The following NYAP2 variants were observed in gnomAD, a reference collection of about 807,000 sequenced individuals.
The protein encoded by NYAP2 is neuronal tyrosine-phosphorylated phosphoinositide-3-kinase adapter 2.
NYAP2 carries 23 observed loss-of-function variants against 50.4 expected under a neutral mutation model. That is an observed-to-expected ratio of 0.46 (90% CI 0.33 to 0.65). NYAP2 has a LOEUF of 0.65. Ranked by LOEUF, NYAP2 falls within the 30% of genes least tolerant of loss-of-function variation. The pLI is 0.02. For synonymous variants in NYAP2, 394 were observed against 365.2 expected (o/e 1.08, Z -0.90); for missense variants, 885 against 861.0 (o/e 1.03, Z -0.35).
At chr2:225,670,187 A>G in the NYAP2 span, among the ~76,000 whole-genome samples, 5 of 152,162 alleles carry the variant, frequency 3.3e-5, no homozygotes, top group African/African-American at 4.8e-5. Flanking sequence ...GTTGGTGTAC[A>G]TAGATGCCAA....
At chr2:225,615,351 T>C (rs1248137548) in intron 5 of NYAP2, among the ~76,000 whole-genome samples, 3 of 152,150 alleles carry the variant, frequency 2.0e-5, no homozygotes, top group African/African-American at 7.2e-5. Context: ...AATGTGCCAA[T>C]ACCTGAGATC....
At chr2:225,512,890 TTCC>T (rs1329363019) in intron 3 of NYAP2, among the ~76,000 whole-genome samples, 6 of 133,626 alleles carry the variant, frequency 4.5e-5, no homozygotes, top group Admixed American at 1.6e-4. Context: ...CCTTCCTTCC[TTCC>T]TTCCTTTCCT....
chr2:225,443,337 A>G (rs1431984927), intron 3 of NYAP2, among the ~76,000 whole-genome samples: 1 of 152,208 alleles, frequency 6.6e-6, no homozygotes, highest in Admixed American at 6.5e-5. Context: ...GAATGACAAC[A>G]CCTACTAAGA....
chr2:225,617,326 G>A (rs1693006296), intron 5 of NYAP2, among the ~76,000 whole-genome samples: 1 of 152,152 alleles, frequency 6.6e-6, no homozygotes, highest in South Asian at 2.1e-4. Flanking sequence ...CTACTAGGGA[G>A]GCTGAGGCAG....
At chr2:225,663,502 C>T in the NYAP2 span, among the ~76,000 whole-genome samples, 2 of 152,166 alleles carry the variant, frequency 1.3e-5, no homozygotes, top group Admixed American at 1.3e-4. Context: ...TTACCTGCCT[C>T]CATTCACCTG....
At chr2:225,697,858 G>T in the NYAP2 span, among the ~76,000 whole-genome samples, 3 of 151,804 alleles carry the variant, frequency 2.0e-5, no homozygotes, top group Non-Finnish European at 2.9e-5. Context: ...TGTTTTGTAA[G>T]AATTATTTCT....
chr2:225,583,756 T>C (rs1192052483), intron 5 of NYAP2, among the ~76,000 whole-genome samples: 1 of 152,140 alleles, frequency 6.6e-6, no homozygotes. Flanking sequence ...AAACACTTCT[T>C]GAGGCCAGGC....
At chr2:225,628,493 T>C (rs1239713559) in intron 6 of NYAP2, among the ~76,000 whole-genome samples, 1 of 151,976 alleles carries the variant, frequency 6.6e-6, no homozygotes, top group Non-Finnish European at 1.5e-5. Context: ...AGCTAAGTTT[T>C]TGTATTTTTA....
intron 4 of NYAP2, among the ~76,000 whole-genome samples, chr2:225,533,972 C>T (rs1691303571): frequency 6.6e-6 from 1 of 152,100 alleles, no homozygotes; most frequent in African/African-American, 2.4e-5. Context: ...CCAAAATTTA[C>T]ATTTCAGTAT....
chr2:225,652,750 A>C (rs1478135467), exon 7 of NYAP2: 2 of 152,214 alleles, frequency 1.3e-5, no homozygotes, highest in Admixed American at 1.3e-4. Flanking sequence ...AAAATTACAT[A>C]TTCATCTATT....
chr2:225,431,299 T>C (rs1695362226), intron 3 of NYAP2, among the ~76,000 whole-genome samples: 1 of 152,228 alleles, frequency 6.6e-6, no homozygotes, highest in African/African-American at 2.4e-5. Flanking sequence ...TCATACCTCA[T>C]CAACAAACGG....
At chr2:225,541,640 A>T (rs1425702881) in intron 4 of NYAP2, among the ~76,000 whole-genome samples, 1 of 152,036 alleles carries the variant, frequency 6.6e-6, no homozygotes, top group Non-Finnish European at 1.5e-5. Context: ...GTTCTGTTCC[A>T]TTGGTCTATG....
At chr2:225,427,381 T>C (rs952341995) in intron 3 of NYAP2, among the ~76,000 whole-genome samples, 1 of 152,240 alleles carries the variant, frequency 6.6e-6, no homozygotes, top group Non-Finnish European at 1.5e-5. Flanking sequence ...TATCACAGTT[T>C]CCTCGTCTGT....
At chr2:225,647,040 T>C (rs1439788363) in intron 6 of NYAP2, among the ~76,000 whole-genome samples, 2 of 152,170 alleles carry the variant, frequency 1.3e-5, no homozygotes, top group Non-Finnish European at 2.9e-5. Context: ...TTAGGTGATA[T>C]AAAAGCCTTT....
At chr2:225,402,658 T>C (rs777659994) in intron 2 of NYAP2, among the ~76,000 whole-genome samples, 20 of 152,012 alleles carry the variant, frequency 1.3e-4, no homozygotes, top group Non-Finnish European at 2.9e-4. Flanking sequence ...GTAATCTGCT[T>C]TCTGAGAAAA....
intron 5 of NYAP2, among the ~76,000 whole-genome samples, chr2:225,601,207 A>G (rs1364111165): frequency 2.0e-5 from 3 of 147,990 alleles, no homozygotes; most frequent in African/African-American, 7.5e-5. Flanking sequence ...TGCAACCTCT[A>G]CCTCCTGGGT....
At chr2:225,623,990 T>C (rs551243784) in intron 5 of NYAP2, among the ~76,000 whole-genome samples, 2 of 152,364 alleles carry the variant, frequency 1.3e-5, no homozygotes, top group South Asian at 4.1e-4. Flanking sequence ...AATTCCATCA[T>C]AGCCAATGGA....
chr2:225,524,592 A>G (rs758413489), intron 4 of NYAP2, among the ~76,000 whole-genome samples: 5 of 152,198 alleles, frequency 3.3e-5, no homozygotes, highest in Non-Finnish European at 5.9e-5. Flanking sequence ...ATATACAAAA[A>G]TCAACTCAAG....
intron 3 of NYAP2, among the ~76,000 whole-genome samples, chr2:225,502,845 A>G (rs1690631214): frequency 6.6e-6 from 1 of 152,182 alleles, no homozygotes; most frequent in South Asian, 2.1e-4. Flanking sequence ...GGGGTTCAAG[A>G]GCCAGTGACT....
Sources: gnomAD v4.1 joint callset for allele counts (sites outside exome capture counted in the v4.1 genomes callset) on GRCh38, gnomAD v4.1.1 for gene constraint, MANE v1.5 for transcripts, NCBI Gene and HGNC (gene_info 2026-07-23, HGNC 2026-07-21) for gene names.